CERS6: variants seen among roughly 807,000 people sequenced by gnomAD.
The protein encoded by CERS6 is ceramide synthase 6.
Under a neutral mutation model 56.8 loss-of-function variants are expected in CERS6, and 26 were observed. The ratio of observed to expected loss-of-function variants is 0.46; its 90% CI spans 0.34 to 0.63. The LOEUF is 0.63. Among genes scored for constraint, CERS6 ranks in the 30% least tolerant of loss-of-function variants. The pLI is 0.01. For synonymous variants in CERS6, 164 were observed against 173.3 expected, an observed-to-expected ratio of 0.95 and a Z score of 0.42; for missense variants, 415 against 467.5, an observed-to-expected ratio of 0.89 and a Z score of 1.04.
At chr2:168,739,354 G>T (rs919649830) in intron 8 of CERS6, among the ~76,000 whole-genome samples, 1 of 152,070 alleles carries the variant, frequency 6.6e-6, no homozygotes, top group South Asian at 2.1e-4. Flanking sequence ...GAGCAAAAGC[G>T]GAGAGGGAAG....
intron 1 of CERS6, among the ~76,000 whole-genome samples, chr2:168,526,762 G>A (rs948652728): frequency 6.6e-6 from 1 of 152,342 alleles, no homozygotes; most frequent in African/African-American, 2.4e-5. Context: ...CACCCTGTGC[G>A]AGTGGCCTGA....
At chr2:168,642,937 G>A (rs1475460676) in intron 4 of CERS6, among the ~76,000 whole-genome samples, 3 of 152,288 alleles carry the variant, frequency 2.0e-5, no homozygotes, top group South Asian at 2.1e-4. Flanking sequence ...TTGATTAGGG[G>A]GTTAAGAGTA....
intron 4 of CERS6, among the ~76,000 whole-genome samples, chr2:168,631,705 TTTATA>T (rs1357989977): frequency 1.7e-5 from 2 of 117,888 alleles, no homozygotes; most frequent in African/African-American, 6.7e-5. Flanking sequence ...TTAATTTATA[TTTATA>T]TTATATTTAT....
chr2:168,745,392 C>T (rs1684069312), intron 8 of CERS6, among the ~76,000 whole-genome samples: 1 of 152,108 alleles, frequency 6.6e-6, no homozygotes, highest in Non-Finnish European at 1.5e-5. Context: ...CAGGCGCCCA[C>T]CACCACGCCT....
At chr2:168,473,319 GTGC>G (rs1001548503) in intron 1 of CERS6, among the ~76,000 whole-genome samples, 1 of 151,120 alleles carries the variant, frequency 6.6e-6, no homozygotes, top group African/African-American at 2.4e-5. Flanking sequence ...CCCTTTTATT[GTGC>G]TGCTATCTCT....
chr2:168,738,929 A>C (rs1014047859), intron 8 of CERS6, among the ~76,000 whole-genome samples: 13 of 151,992 alleles, frequency 8.6e-5, no homozygotes, highest in Non-Finnish European at 1.2e-4. Flanking sequence ...CTCTGTTGCC[A>C]GGCTGGAGTG....
intron 3 of CERS6, among the ~76,000 whole-genome samples, chr2:168,562,508 T>C (rs538037038): frequency 3.3e-5 from 5 of 152,196 alleles, no homozygotes; most frequent in Admixed American, 1.3e-4. Flanking sequence ...GCAAAAAACA[T>C]GTGAGCAAAA....
intron 3 of CERS6, among the ~76,000 whole-genome samples, chr2:168,561,869 A>G (rs1452700329): frequency 1.3e-5 from 2 of 152,336 alleles, no homozygotes; most frequent in African/African-American, 2.4e-5. Flanking sequence ...TATAAATTAT[A>G]TATCAATAAG....
intron 3 of CERS6, among the ~76,000 whole-genome samples, chr2:168,607,797 T>C (rs1375355210): frequency 2.0e-5 from 3 of 152,222 alleles, no homozygotes; most frequent in Admixed American, 6.5e-5. Flanking sequence ...CATTACAATA[T>C]ATTTTGGAAG....
At chr2:168,563,522 G>T (rs1385112370) in intron 3 of CERS6, among the ~76,000 whole-genome samples, 1 of 152,186 alleles carries the variant, frequency 6.6e-6, no homozygotes, top group African/African-American at 2.4e-5. Context: ...ATGGGGCCAG[G>T]TGCAGTGGCT....
intron 4 of CERS6, among the ~76,000 whole-genome samples, chr2:168,678,002 T>A (rs976638470): frequency 6.6e-6 from 1 of 152,170 alleles, no homozygotes; most frequent in Non-Finnish European, 1.5e-5. Context: ...AAATACCATC[T>A]CATGCCAGTT....
intron 1 of CERS6, among the ~76,000 whole-genome samples, chr2:168,486,015 G>A (rs1383829187): frequency 6.6e-6 from 1 of 152,084 alleles, no homozygotes; most frequent in African/African-American, 2.4e-5. Flanking sequence ...ATTGTCACCA[G>A]CATTTTTTGT....
intron 1 of CERS6, among the ~76,000 whole-genome samples, chr2:168,498,683 T>G (rs1479180503): frequency 6.6e-6 from 1 of 152,330 alleles, no homozygotes; most frequent in East Asian, 1.9e-4. Flanking sequence ...GCCGTTTGTG[T>G]GCATCCTCCG....
At chr2:168,582,286 G>A (rs192176183) in intron 3 of CERS6, among the ~76,000 whole-genome samples, 1 of 152,088 alleles carries the variant, frequency 6.6e-6, no homozygotes, top group Non-Finnish European at 1.5e-5. Flanking sequence ...TCCTCCAGGG[G>A]CTGCCAAAAC....
intron 3 of CERS6, among the ~76,000 whole-genome samples, chr2:168,573,797 T>C (rs1683180142): frequency 6.6e-6 from 1 of 152,018 alleles, no homozygotes; most frequent in African/African-American, 2.4e-5. Context: ...CAGGCCCCAA[T>C]AGTAGGAGTG....
chr2:168,522,024 TGGGTAG>T (rs1007962024), intron 1 of CERS6, among the ~76,000 whole-genome samples: 1 of 152,220 alleles, frequency 6.6e-6, no homozygotes, highest in Non-Finnish European at 1.5e-5. Context: ...TTCGTGTGCC[TGGGTAG>T]TGATTGATTT....
chr2:168,739,052 A>ATTTTTTTTTTTTTTTTTTTTTTTT (rs59967315), intron 8 of CERS6, among the ~76,000 whole-genome samples: 1 of 87,624 alleles, frequency 1.1e-5, no homozygotes, highest in African/African-American at 4.9e-5. Context: ...CACCCGGCTA[A>ATTTTTTTTTTTTTTTTTTTTTTTT]TTTTTTTTTT....
At position 168,456,729 on chromosome 2, in the gene CERS6, C is replaced by A; in HGVS notation, c.170+111C>A. The A allele has an allele frequency of 9.6e-7, 1 of 1,038,170 alleles. No homozygotes were observed. The allele number at this position is 1,038,170 out of a possible 1,614,324, so 64.3% of individuals were successfully genotyped here. A position where few individuals can be genotyped will look rare whatever the true frequency, so the allele number is the denominator to read the frequency against. ...GCGCCCCCAACGCTCGCGTTCACGC[C>A]TCCCAACCTTTGTGTTCGGGGAGGG... On this transcript the variant is annotated intron_variant, in intron 1 of 9. Coordinates refer to ENST00000305747, the MANE Select transcript of CERS6 (RefSeq NM_203463.3). This position sits in a 1 kb window ranked among gnomAD's most constrained non-coding sequence, Gnocchi z 4.1.
chr2:168,494,773 C>T (rs375464910), intron 1 of CERS6, among the ~76,000 whole-genome samples: 31 of 152,242 alleles, frequency 2.0e-4, no homozygotes, highest in East Asian at 9.6e-4. Flanking sequence ...CATGGAATAT[C>T]GATAGCTTTT....
Sources: allele counts gnomAD v4.1 joint callset (sites outside exome capture counted in the v4.1 genomes callset), GRCh38; gene constraint gnomAD v4.1.1; non-coding constraint Gnocchi (gnomAD v3.1); transcripts MANE v1.5; gene names NCBI Gene and HGNC (gene_info 2026-07-23, HGNC 2026-07-21).